UTRN: variants seen among roughly 807,000 people sequenced by gnomAD.
UTRN encodes the protein utrophin.
Under a neutral mutation model 463.9 loss-of-function variants are expected in UTRN, and 283 were observed. The observed-to-expected ratio is 0.61, with a 90% confidence interval of 0.55 to 0.67. UTRN has a LOEUF of 0.67. UTRN is among the 30% of genes least tolerant of loss of function. The pLI is 0.00. For missense variants in UTRN, 3,922 were observed against 4,084.3 expected, an observed-to-expected ratio of 0.96 and a Z score of 1.08; for synonymous variants, 1,442 against 1,431.5, an observed-to-expected ratio of 1.01 and a Z score of -0.17.
intron 2 of UTRN, among the ~76,000 whole-genome samples, chr6:144,371,451 G>A (rs1779974399): frequency 6.6e-6 from 1 of 152,060 alleles, no homozygotes; most frequent in African/African-American, 2.4e-5. Flanking sequence ...CACTTTTGTT[G>A]CCCAGGCTGG....
chr6:144,485,962 C>T (rs113025734), intron 28 of UTRN, among the ~76,000 whole-genome samples: 6,244 of 152,256 alleles, frequency 0.041, 443 homozygotes, highest in African/African-American at 0.14. Context: ...GCCATGGGAT[C>T]TTGTCGTAGG....
At chr6:144,723,769 A>G (rs746622677) in intron 53 of UTRN, among the ~76,000 whole-genome samples, 1 of 152,150 alleles carries the variant, frequency 6.6e-6, no homozygotes, top group African/African-American at 2.4e-5. Context: ...TGGGAGGCCA[A>G]GGTGGGTGGA....
At chr6:144,726,120 A>G (rs1280443334) in intron 53 of UTRN, among the ~76,000 whole-genome samples, 1 of 152,170 alleles carries the variant, frequency 6.6e-6, no homozygotes, top group East Asian at 1.9e-4. Flanking sequence ...TAATGAATCC[A>G]GGAGACCTGA....
chr6:144,763,813 A>G (rs1792974243), intron 58 of UTRN, among the ~76,000 whole-genome samples: 1 of 152,234 alleles, frequency 6.6e-6, no homozygotes, highest in Non-Finnish European at 1.5e-5. Flanking sequence ...AACCCGTAAC[A>G]AAGGTATAAT....
At chr6:144,839,707 C>T (rs1230047412) in intron 72 of UTRN, among the ~76,000 whole-genome samples, 1 of 152,166 alleles carries the variant, frequency 6.6e-6, no homozygotes, top group East Asian at 1.9e-4. Context: ...TTTTCTTCGT[C>T]CTAGTCCACT....
chr6:144,469,306 G>T (rs1379319768), intron 23 of UTRN, among the ~76,000 whole-genome samples: 1 of 152,148 alleles, frequency 6.6e-6, no homozygotes, highest in Non-Finnish European at 1.5e-5. Context: ...CTCTTTTATG[G>T]TCTCAATCTT....
Position 144,560,129 on chromosome 6 carries a change from A to C in UTRN, c.7289+2818A>C, listed in dbSNP as rs184128246. 3.3e-5 allele frequency among the ~76,000 whole-genome samples: 5 copies of C among 152,298 alleles called. No homozygotes were observed. In the East Asian group the frequency reaches 9.7e-4, roughly 29 times the overall value. On this transcript the variant is annotated intron_variant, in intron 50 of 74. Coordinates refer to ENST00000367545, the MANE Select transcript of UTRN (RefSeq NM_007124.3). ...GCAGGAGAGAGGTAGCATTTTCATCAGTCCTATGTTAATGAATAAACTGAA... is the reference window on the plus strand; with the variant it reads ...GCAGGAGAGAGGTAGCATTTTCATCCGTCCTATGTTAATGAATAAACTGAA...
At position 144,827,622 on chromosome 6, in the gene UTRN, C is replaced by G. The variant is rs149562148; in HGVS notation, c.9545C>G (p.Ser3182Cys). 2 of 1,613,524 alleles carry G rather than the reference C, an allele frequency of 1.2e-6. No homozygotes were observed. The highest frequency in any genetic ancestry group is 1.7e-6 in the Non-Finnish European group (2 of 1,179,706). ...MWPEHYDPSQ[S>C]PQLFHDDTHS... ...TTTTTCTTTTAAAGCCCCTCACAATCTCCTCAACTGTTTCATGATGACACC... is the reference window on the plus strand; with the variant it reads ...TTTTTCTTTTAAAGCCCCTCACAATGTCCTCAACTGTTTCATGATGACACC... Residue 3182 changes from serine (S) to cysteine (C), a missense_variant, in exon 68 of 75, where the codon TCT becomes TGT. This residue lies in a region of UTRN where 1,309 missense variants were observed against 1,452.6 expected (regional missense o/e 0.90). Transcript: ENST00000367545.
intron 2 of UTRN, among the ~76,000 whole-genome samples, chr6:144,292,962 G>T (rs946785680): frequency 6.6e-6 from 1 of 152,274 alleles, no homozygotes; most frequent in Admixed American, 6.5e-5. Context: ...GATTGATAAA[G>T]ATTTTAGTTA....
At position 144,751,887 on chromosome 6, in the gene UTRN, C is replaced by G. The variant is rs878982715; in HGVS notation, c.8290C>G (p.Leu2764Val). 15 of 1,612,670 alleles carry G rather than the reference C, an allele frequency of 9.3e-6. No individual in the cohort carries two copies. In the South Asian group the frequency reaches 1.5e-4, roughly 17 times the overall value. Reference protein sequence around the residue: ...DLSSQLSPLDLHPSLKMSRQL... With the variant: ...DLSSQLSPLDVHPSLKMSRQL... ...ATCCAGTCAGCTGTCTCCACTTGAC[C>G]TGCATCCCTCTCTAAAGATGTCTCG... The change falls in exon 56 of 75, where the codon CTG (leucine) becomes GTG (valine). Residue 2764 changes from leucine to valine, a missense_variant. By Grantham distance (32) the Leu-to-Val change is conservative (BLOSUM62 1). This residue lies in a region of UTRN where 1,309 missense variants were observed against 1,452.6 expected (regional missense o/e 0.90). Transcript: ENST00000367545.
intron 2 of UTRN, among the ~76,000 whole-genome samples, chr6:144,321,461 CTTTTTTTT>C (rs529134208): frequency 3.0e-5 from 3 of 100,444 alleles, no homozygotes; most frequent in Non-Finnish European, 4.1e-5. Flanking sequence ...TGTGCCATAT[CTTTTTTTT>C]TTTTTTTTTT....
intron 51 of UTRN, among the ~76,000 whole-genome samples, chr6:144,579,996 T>C (rs960891631): frequency 1.3e-5 from 2 of 152,224 alleles, no homozygotes; most frequent in African/African-American, 2.4e-5. Context: ...CAGCACCTTA[T>C]AGATAGAAGA....
chr6:144,733,026 T>A (rs932662772), intron 54 of UTRN, among the ~76,000 whole-genome samples: 50 of 152,136 alleles, frequency 3.3e-4, no homozygotes, highest in African/African-American at 1.2e-3. Flanking sequence ...ATTTTAAAAA[T>A]CTTTGGATCA....
chr6:144,407,353 G>A (rs1783510923), intron 3 of UTRN, among the ~76,000 whole-genome samples: 2 of 152,148 alleles, frequency 1.3e-5, no homozygotes, highest in African/African-American at 4.8e-5. Context: ...GCATTGGAGA[G>A]ACAGGAGTAG....
At chr6:144,388,936 T>G (rs1205232960) in intron 2 of UTRN, among the ~76,000 whole-genome samples, 1 of 152,246 alleles carries the variant, frequency 6.6e-6, no homozygotes, top group Non-Finnish European at 1.5e-5. Flanking sequence ...TAATGTTGCA[T>G]TTTCCTGGTA....
At chr6:144,577,786 C>T (rs529359426) in intron 51 of UTRN, among the ~76,000 whole-genome samples, 1 of 152,306 alleles carries the variant, frequency 6.6e-6, no homozygotes, top group Non-Finnish European at 1.5e-5. Context: ...ATTTCTTCTA[C>T]ACAAAATGTG....
At chr6:144,311,974 T>C (rs1806304846) in intron 2 of UTRN, 1 of 152,196 alleles carries the variant, frequency 6.6e-6, no homozygotes, top group Non-Finnish European at 1.5e-5. Flanking sequence ...CTTTAGGGAA[T>C]GGTTCAGACA....
At chr6:144,723,197 A>C (rs1787401873) in intron 53 of UTRN, among the ~76,000 whole-genome samples, 1 of 152,358 alleles carries the variant, frequency 6.6e-6, no homozygotes, top group African/African-American at 2.4e-5. Flanking sequence ...AATAAAAACC[A>C]ACTGCAGACT....
intron 2 of UTRN, among the ~76,000 whole-genome samples, chr6:144,350,682 T>G (rs1720358940): frequency 6.6e-6 from 1 of 152,218 alleles, no homozygotes; most frequent in African/African-American, 2.4e-5. Context: ...CGTCAGTGAT[T>G]TGGCTTTTCA....
Sources: allele counts gnomAD v4.1 joint callset (sites outside exome capture counted in the v4.1 genomes callset), GRCh38; gene constraint gnomAD v4.1.1; regional missense constraint gnomAD v4.1.1; transcripts MANE v1.5; gene names NCBI Gene and HGNC (gene_info 2026-07-23, HGNC 2026-07-21).